The following KPNA1 variants were observed in gnomAD, a reference collection of about 807,000 sequenced individuals.
KPNA1 encodes karyopherin subunit alpha 1.
In KPNA1, 10 loss-of-function variants were observed where a neutral mutation model predicts 70.5. That is an observed-to-expected ratio of 0.14 (90% confidence interval 0.09 to 0.24). KPNA1 has a LOEUF of 0.24. Ranked by LOEUF, KPNA1 falls within the 10% of genes least tolerant of loss-of-function variation. KPNA1 has a pLI of 1.00. For missense variants in KPNA1, 397 were observed against 637.9 expected (o/e 0.62, Z 4.07); for synonymous variants, 192 against 221.9 (o/e 0.87, Z 1.20).
chr3:122,453,917 T>C lies in KPNA1; in HGVS notation c.517A>G (p.Ile173Val), dbSNP rs2076239582. 3 of 1,613,328 alleles carry C rather than the reference T, an allele frequency of 1.9e-6. No homozygotes were observed. The highest frequency in any genetic ancestry group is 1.7e-5 in the Admixed American group (1 of 59,968). Reference protein sequence around the residue: ...RIVIQAGAVPIFIELLSSEFE... With the variant: ...RIVIQAGAVPVFIELLSSEFE... ...TCTGAGCTGAGCAACTCTATGAAGA[T>C]GGGCACAGCTCCTGCCTGAATCACA... is the stretch of plus-strand genomic sequence containing the variant. The change falls in exon 6 of 14, where the codon ATC (isoleucine) becomes GTC (valine). Residue 173 changes from isoleucine (I) to valine (V), a missense_variant. Ile to Val is a conservative substitution (Grantham distance 29). Transcript: ENST00000344337.
intron 2 of KPNA1, among the ~76,000 whole-genome samples, chr3:122,480,300 T>C (rs1403793086): frequency 6.6e-6 from 1 of 152,042 alleles, no homozygotes. Context: ...GATGTGTCAA[T>C]GTAGGTTCAT....
chr3:122,461,385 A>C (rs1026231539), intron 4 of KPNA1, 67 bp from the exon 5 acceptor site: 5 of 998,590 alleles, frequency 5.0e-6, no homozygotes, highest in African/African-American at 3.2e-5. Context: ...TAACAGCTCA[A>C]AACTTCTTAA....
intron 2 of KPNA1, among the ~76,000 whole-genome samples, chr3:122,492,606 A>C (rs1429497084): frequency 6.6e-6 from 1 of 152,222 alleles, no homozygotes; most frequent in Non-Finnish European, 1.5e-5. Flanking sequence ...ACATGTCTCA[A>C]TTTGAATTAG....
At position 122,460,167 on chromosome 3, in the gene KPNA1, GGGA is replaced by G. The variant is rs1576308110; in HGVS notation, c.432+1054_432+1056del. 7 of 985,136 alleles carry G rather than the reference GGGA, an allele frequency of 7.1e-6. No individual in the cohort carries two copies. In the East Asian group the frequency reaches 7.9e-4, roughly 112 times the overall value. 61.0% of individuals were successfully genotyped at this position (985,136 alleles called of 1,614,324 possible). On this transcript the variant is annotated intron_variant, in intron 5 of 13. Transcript: ENST00000344337. ...ATTAGATCCTACAGGTGAGAATTTAGGGATCACATGTATTTGTAACTAATAAAG... is the reference window on the plus strand; with the variant it reads ...ATTAGATCCTACAGGTGAGAATTTAGTCACATGTATTTGTAACTAATAAAG...
chr3:122,475,775 T>C (rs2076491045), intron 2 of KPNA1, among the ~76,000 whole-genome samples: 1 of 152,220 alleles, frequency 6.6e-6, no homozygotes, highest in Non-Finnish European at 1.5e-5. Context: ...ATATGTATTA[T>C]ATGCTGTATT....
chr3:122,470,564 A>G (rs1339618212), intron 2 of KPNA1, among the ~76,000 whole-genome samples: 3 of 151,894 alleles, frequency 2.0e-5, no homozygotes, highest in Non-Finnish European at 4.4e-5. Context: ...ATTTTTAAAA[A>G]AAGTTAAATG....
intron 11 of KPNA1, among the ~76,000 whole-genome samples, chr3:122,434,376 G>A (rs898957630): frequency 1.3e-5 from 2 of 152,056 alleles, no homozygotes; most frequent in African/African-American, 4.8e-5. Context: ...AAATTGTTAA[G>A]AGCTCAATTT....
intron 10 of KPNA1, among the ~76,000 whole-genome samples, chr3:122,438,694 C>A (rs1323779150): frequency 6.6e-6 from 1 of 152,156 alleles, no homozygotes; most frequent in East Asian, 1.9e-4. Flanking sequence ...CCAGGTATTT[C>A]TTTATAGCAA....
At position 122,451,961 on chromosome 3, in the gene KPNA1, G is replaced by T; in HGVS notation, c.653+15C>A. On this transcript the variant is annotated intron_variant, in intron 7 of 13. Transcript: ENST00000344337. ...TCAAAAAGAAAAAAAAAGGAAGAAG[G>T]AAGAAGAAACTTACTGCAAAAGAGG... 1.4e-6 allele frequency: 2 copies of T among 1,474,014 alleles called. No homozygotes were observed. Among genetic ancestry groups the T allele is most frequent in the Non-Finnish European group, 9.3e-7 (1 of 1,070,990 alleles). 91.3% of individuals were successfully genotyped at this position (1,474,014 alleles called of 1,614,324 possible).
chr3:122,437,130 A>G, intron 11 of KPNA1, 40 bp downstream of exon 11: 1 of 1,589,542 alleles, frequency 6.3e-7, no homozygotes, highest in African/African-American at 1.4e-5. Context: ...TTACTTTTCA[A>G]TAAAAATACT....
chr3:122,511,544 A>G (rs1347897314), intron 1 of KPNA1, among the ~76,000 whole-genome samples: 1 of 152,228 alleles, frequency 6.6e-6, no homozygotes, highest in Non-Finnish European at 1.5e-5. Context: ...CACAGTCTTC[A>G]TCCCTACTCT....
chr3:122,506,721 A>G (rs1191481580), intron 1 of KPNA1, among the ~76,000 whole-genome samples: 2 of 152,208 alleles, frequency 1.3e-5, no homozygotes, highest in Non-Finnish European at 2.9e-5. Flanking sequence ...TTCACAGCCC[A>G]GTTTCAAATG....
At chr3:122,506,138 C>G (rs1043958473) in intron 1 of KPNA1, among the ~76,000 whole-genome samples, 6 of 151,996 alleles carry the variant, frequency 3.9e-5, no homozygotes, top group Admixed American at 3.9e-4. Flanking sequence ...GTTATATATT[C>G]AGTGCACTGG....
chr3:122,500,499 A>AT (rs535758181), intron 1 of KPNA1, among the ~76,000 whole-genome samples: 18 of 144,548 alleles, frequency 1.2e-4, no homozygotes, highest in African/African-American at 2.3e-4. Flanking sequence ...TTCATTTCTA[A>AT]TTTTTTTTTT....
chr3:122,485,530 G>C (rs1457824637), intron 2 of KPNA1, among the ~76,000 whole-genome samples: 1 of 150,918 alleles, frequency 6.6e-6, no homozygotes, highest in South Asian at 2.1e-4. Flanking sequence ...TGTTACTTTT[G>C]TAAATGAAAA....
chr3:122,510,155 T>C (rs1248358900), intron 1 of KPNA1, among the ~76,000 whole-genome samples: 2 of 152,184 alleles, frequency 1.3e-5, no homozygotes, highest in Non-Finnish European at 2.9e-5. Flanking sequence ...AGAATAAAGA[T>C]TTTTTTCAGT....
chr3:122,501,012 C>CTTCTT (rs1288240938), intron 1 of KPNA1, among the ~76,000 whole-genome samples: 56 of 144,342 alleles, frequency 3.9e-4, no homozygotes, highest in East Asian at 1.3e-3. Flanking sequence ...TGAGATCTTT[C>CTTCTT]TTCTTTTCTT....
At chr3:122,427,457 G>T in intron 13 of KPNA1, 81 bp downstream of exon 13, 1 of 1,331,516 alleles carries the variant, frequency 7.5e-7, no homozygotes, top group Non-Finnish European at 1.0e-6. Context: ...GTGCCTAGCA[G>T]TAGTAGTATT....
chr3:122,489,057 CGTGTGTGTGT>C (rs34002370), intron 2 of KPNA1, among the ~76,000 whole-genome samples: 38 of 130,728 alleles, frequency 2.9e-4, no homozygotes, highest in African/African-American at 1.1e-3. Flanking sequence ...TTTTTGCGTG[CGTGTGTGTGT>C]GTGTGTGTGT....
Sources: gnomAD v4.1 joint callset for allele counts (sites outside exome capture counted in the v4.1 genomes callset) on GRCh38, gnomAD v4.1.1 for gene constraint, MANE v1.5 for transcripts, NCBI Gene and HGNC (gene_info 2026-07-23, HGNC 2026-07-21) for gene names.